SEL1L2: variants seen among roughly 807,000 people sequenced by gnomAD.
SEL1L2 encodes the protein protein sel-1 homolog 2.
In SEL1L2, 89 loss-of-function variants were observed where a neutral mutation model predicts 98.8. The observed-to-expected ratio is 0.90, with a 90% confidence interval of 0.76 to 1.07. The LOEUF is 1.07. SEL1L2 is among the 50% of genes least tolerant of loss of function. The pLI is 0.00. For synonymous variants in SEL1L2, 262 were observed against 278.5 expected, an observed-to-expected ratio of 0.94 and a Z score of 0.59; for missense variants, 788 against 812.0, an observed-to-expected ratio of 0.97 and a Z score of 0.36.
chr20:13,874,308 G>GT (rs2147888032), intron 12 of SEL1L2, among the ~76,000 whole-genome samples: 1 of 152,288 alleles, frequency 6.6e-6, no homozygotes, highest in South Asian at 2.1e-4. Context: ...TAAAAAAGTA[G>GT]TAAGAGTGAG....
intron 5 of SEL1L2, among the ~76,000 whole-genome samples, chr20:13,891,560 G>T (rs1034342940): frequency 4.0e-5 from 6 of 151,246 alleles, no homozygotes; most frequent in Non-Finnish European, 8.8e-5. Flanking sequence ...CCAGCTACTT[G>T]GGAGGCTGAG....
chr20:13,990,067 T>C (rs1378761808), intron 1 of SEL1L2, among the ~76,000 whole-genome samples: 2 of 152,178 alleles, frequency 1.3e-5, no homozygotes, highest in Non-Finnish European at 2.9e-5. Context: ...ATTGTGTAAA[T>C]ATTTTAAAAA....
In SEL1L2 at chr20:13,931,772, C is replaced by T. The variant is rs1276597052; in HGVS notation, c.115-1G>A. On this transcript the variant is annotated splice_acceptor_variant, in intron 2 of 19. Coordinates refer to ENST00000284951, the MANE Select transcript of SEL1L2 (RefSeq NM_025229.2). LOFTEE classifies it high-confidence loss of function. ...ATTGTTTGATTTCGTTCACTGATAC[C>T]TACAAAGAAAAAGACTGTTGCTCAT... 8 of 1,509,088 alleles carry T rather than the reference C, an allele frequency of 5.3e-6. No individual in the cohort carries two copies. Among genetic ancestry groups the T allele is most frequent in the South Asian group, 1.4e-5 (1 of 73,854 alleles). The allele number at this position is 1,509,088 out of a possible 1,614,324, so 93.5% of individuals were successfully genotyped here. A position where few individuals can be genotyped will look rare whatever the true frequency, so the allele number is the denominator to read the frequency against.
Position 13,887,774 on chromosome 20 carries a change from T to C in SEL1L2, c.740A>G (p.Asp247Gly). Reference protein sequence around the residue: ...VALSYYKKVADYIADTFEKSE... With the variant: ...VALSYYKKVAGYIADTFEKSE... ...AAATTATGTGGATTACTTACTATAA[T>C]CTGCCACTTTCTTGTAATAACTTAG... is the stretch of plus-strand genomic sequence containing the variant. The change falls in exon 8 of 20, where the codon GAT becomes GGT. Residue 247 changes from aspartate to glycine, a missense_variant. Coordinates refer to ENST00000284951, the MANE Select transcript of SEL1L2 (RefSeq NM_025229.2). 6.3e-7 allele frequency: 1 copy of C among 1,598,904 alleles called. No individual in the cohort carries two copies. Among genetic ancestry groups the C allele is most frequent in the Non-Finnish European group, 8.6e-7 (1 of 1,166,646 alleles).
intron 1 of SEL1L2, among the ~76,000 whole-genome samples, chr20:13,990,243 T>C (rs539883325): frequency 6.6e-6 from 1 of 152,302 alleles, no homozygotes; most frequent in East Asian, 1.9e-4. Flanking sequence ...ATTTGTTTTT[T>C]CCCCATCCCC....
intron 2 of SEL1L2, among the ~76,000 whole-genome samples, chr20:13,954,256 G>C (rs909466050): frequency 6.6e-6 from 1 of 152,134 alleles, no homozygotes; most frequent in Admixed American, 6.5e-5. Context: ...GCCTACATTG[G>C]GGGTAGAGAT....
At chr20:13,883,049 T>G (rs1477878396) in intron 10 of SEL1L2, among the ~76,000 whole-genome samples, 3 of 152,140 alleles carry the variant, frequency 2.0e-5, no homozygotes. Flanking sequence ...CTCGATCTCC[T>G]GACCTCGTGA....
At chr20:13,923,611 G>A (rs1469876932) in intron 3 of SEL1L2, among the ~76,000 whole-genome samples, 2 of 152,172 alleles carry the variant, frequency 1.3e-5, no homozygotes, top group Non-Finnish European at 2.9e-5. Flanking sequence ...AAAATTAGCT[G>A]AGCATAGTGG....
At chr20:13,893,897 T>C (rs1026478010) in intron 5 of SEL1L2, among the ~76,000 whole-genome samples, 2 of 152,034 alleles carry the variant, frequency 1.3e-5, no homozygotes, top group Non-Finnish European at 2.9e-5. Context: ...TTCACAAATA[T>C]GTGAAAACAA....
Position 13,865,506 on chromosome 20 carries a change from T to C in SEL1L2, c.1413A>G (p.Lys471=), listed in dbSNP as rs745522925. The C allele has an allele frequency of 3.2e-5, 52 of 1,613,444 alleles. No individual in the cohort carries two copies. The highest frequency in any genetic ancestry group is 3.8e-5 in the Non-Finnish European group (45 of 1,179,752). Residue 471 remains lysine (K), a synonymous_variant, in exon 16 of 20, where the codon AAA becomes AAG. Coordinates refer to ENST00000284951, the MANE Select transcript of SEL1L2 (RefSeq NM_025229.2). ...RSCRTAVELY[K]GVCELGHWAE... The stretch of plus-strand genomic sequence containing the variant: ...CCCAGTGGCCTAGTTCACAGACACC[T>C]TTATAAAGCTGTACATGAGAGGAGA...
At chr20:13,889,220 A>C (rs1438183576) in intron 5 of SEL1L2, among the ~76,000 whole-genome samples, 1 of 146,858 alleles carries the variant, frequency 6.8e-6, no homozygotes, top group Non-Finnish European at 1.5e-5. Context: ...GGCTGACCTC[A>C]AGTGACCCAC....
intron 2 of SEL1L2, among the ~76,000 whole-genome samples, chr20:13,949,864 A>G (rs1421753315): frequency 6.6e-6 from 1 of 152,208 alleles, no homozygotes; most frequent in African/African-American, 2.4e-5. Flanking sequence ...TATGTGCCCA[A>G]AAGAATTGAA....
intron 2 of SEL1L2, among the ~76,000 whole-genome samples, chr20:13,955,756 G>A (rs1448488405): frequency 1.3e-5 from 2 of 152,150 alleles, no homozygotes; most frequent in Non-Finnish European, 2.9e-5. Flanking sequence ...GTGGGTCTCT[G>A]CTCTTTGTGT....
At chr20:13,889,815 C>T (rs1010543357) in intron 5 of SEL1L2, among the ~76,000 whole-genome samples, 1 of 151,928 alleles carries the variant, frequency 6.6e-6, no homozygotes, top group African/African-American at 2.4e-5. Context: ...ACAAAAAAAG[C>T]CCATTTAGAT....
chr20:13,985,560 A>G (rs867841901), intron 1 of SEL1L2, among the ~76,000 whole-genome samples: 2 of 152,210 alleles, frequency 1.3e-5, no homozygotes, highest in African/African-American at 4.8e-5. Context: ...ACAACACTTT[A>G]TAATTTATTC....
At chr20:13,875,743 C>T (rs1031912900) in intron 12 of SEL1L2, among the ~76,000 whole-genome samples, 18 of 152,232 alleles carry the variant, frequency 1.2e-4, no homozygotes, top group African/African-American at 4.3e-4. Context: ...TAGATGGCCT[C>T]ATCTACTGCA....
chr20:13,851,990 G>A (rs1405552601), intron 18 of SEL1L2, among the ~76,000 whole-genome samples: 2 of 152,194 alleles, frequency 1.3e-5, no homozygotes, highest in African/African-American at 2.4e-5. Flanking sequence ...ATACAATTCA[G>A]GAGATTGGAA....
intron 1 of SEL1L2, chr20:13,973,411 C>G (rs2051374753): frequency 6.6e-6 from 1 of 152,242 alleles, no homozygotes; most frequent in South Asian, 2.1e-4. Flanking sequence ...TATGTAAGCA[C>G]TGCTGAGTCC....
intron 10 of SEL1L2, among the ~76,000 whole-genome samples, chr20:13,882,813 T>TC (rs746367649): frequency 0.03 from 900 of 30,190 alleles, 9 homozygotes; most frequent in Non-Finnish European, 0.045. Flanking sequence ...TCAATTTGTC[T>TC]TTTTTTTTTT....
Sources: gnomAD v4.1 joint callset for allele counts (sites outside exome capture counted in the v4.1 genomes callset) on GRCh38, gnomAD v4.1.1 for gene constraint, MANE v1.5 for transcripts, NCBI Gene and HGNC (gene_info 2026-07-23, HGNC 2026-07-21) for gene names.